Variants in RAB5A observed in about 807,000 individuals in gnomAD.
RAB5A encodes ras-related protein Rab-5A.
RAB5A carries 8 observed loss-of-function variants against 25.7 expected under a neutral mutation model. The observed-to-expected ratio is 0.31, with a 90% CI of 0.18 to 0.56. RAB5A has a LOEUF of 0.56. RAB5A is among the 20% of genes least tolerant of loss of function. The pLI is 0.91. For synonymous variants in RAB5A, 98 were observed against 89.8 expected, an observed-to-expected ratio of 1.09 and a Z score of -0.52; for missense variants, 192 against 259.7, an observed-to-expected ratio of 0.74 and a Z score of 1.79.
intron 2 of RAB5A, among the ~76,000 whole-genome samples, chr3:19,951,947 A>G (rs1696430947): frequency 6.6e-6 from 1 of 152,084 alleles, no homozygotes; most frequent in Non-Finnish European, 1.5e-5. Context: ...AAGAGTAGGC[A>G]CTGACAAGGG....
intron 2 of RAB5A, among the ~76,000 whole-genome samples, chr3:19,974,825 A>G (rs1053597411): frequency 3.3e-5 from 5 of 152,236 alleles, no homozygotes; most frequent in African/African-American, 1.2e-4. Context: ...AAAATGGAAC[A>G]GGACATGGTG....
intron 1 of RAB5A, among the ~76,000 whole-genome samples, chr3:19,948,818 C>G: frequency 6.6e-6 from 1 of 151,436 alleles, no homozygotes; most frequent in Non-Finnish European, 1.5e-5. Context: ...AGCATATTGT[C>G]CTTGATAAGT....
intron 2 of RAB5A, among the ~76,000 whole-genome samples, chr3:19,954,838 A>G (rs1239191219): frequency 6.6e-6 from 1 of 152,014 alleles, no homozygotes; most frequent in Admixed American, 6.6e-5. Context: ...AAAACAAAGA[A>G]TCCCTGTTGC....
chr3:19,957,882 C>T (rs1696527813), intron 2 of RAB5A, among the ~76,000 whole-genome samples: 1 of 151,804 alleles, frequency 6.6e-6, no homozygotes, highest in Admixed American at 6.6e-5. Context: ...TCAACAATAC[C>T]TTAATAAAGC....
Position 19,983,792 on chromosome 3 carries a change from A to T in RAB5A, c.617A>T (p.Gln206Leu). The T allele has an allele frequency of 6.2e-7, 1 of 1,610,978 alleles. No individual in the cohort carries two copies. The highest frequency in any genetic ancestry group is 8.5e-7 in the Non-Finnish European group (1 of 1,177,762). ...GGAGTAGACCTTACCGAACCCACAC[A>T]ACCAACCAGGAATCAGTGTTGTAGT... is the stretch of plus-strand genomic sequence containing the variant. ...GRGVDLTEPT[Q>L]PTRNQCCSN is the part of the protein sequence containing the mutation. The change falls in exon 6 of 6, where the codon CAA (glutamine) becomes CTA (leucine). Residue 206 changes from glutamine to leucine, a missense_variant. Physicochemically the swap from Gln to Leu is moderately radical, Grantham distance 113 (BLOSUM62 -2). Around this residue, in one of 3 missense-constraint regions of RAB5A, gnomAD observed 121 missense variants for 135.7 expected, o/e 0.89. Transcript: ENST00000273047.
At chr3:19,966,154 A>G (rs763082518) in intron 2 of RAB5A, among the ~76,000 whole-genome samples, 3 of 152,154 alleles carry the variant, frequency 2.0e-5, no homozygotes, top group South Asian at 2.1e-4. Context: ...CCAAAACTTT[A>G]TCTTCCCTAG....
intron 2 of RAB5A, among the ~76,000 whole-genome samples, chr3:19,959,758 C>T (rs985473084): frequency 6.6e-6 from 1 of 151,802 alleles, no homozygotes; most frequent in South Asian, 2.1e-4. Flanking sequence ...TCCCAAGTAG[C>T]TGGGACTACA....
At chr3:19,963,732 C>T (rs890581074) in intron 2 of RAB5A, among the ~76,000 whole-genome samples, 23 of 152,182 alleles carry the variant, frequency 1.5e-4, no homozygotes, top group African/African-American at 4.8e-4. Flanking sequence ...GCAGCCTCCA[C>T]CCCCTGGGCT....
chr3:19,968,937 C>T (rs1378393776), intron 2 of RAB5A, among the ~76,000 whole-genome samples: 3 of 151,500 alleles, frequency 2.0e-5, no homozygotes, highest in African/African-American at 7.3e-5. Flanking sequence ...ATTTTCTTGC[C>T]TTTGCTACAT....
At chr3:19,951,438 A>G (rs771918693) in intron 2 of RAB5A, among the ~76,000 whole-genome samples, 1 of 152,238 alleles carries the variant, frequency 6.6e-6, no homozygotes, top group Non-Finnish European at 1.5e-5. Flanking sequence ...TAAAAAAGGT[A>G]ACCTTAAATT....
chr3:19,966,102 G>A (rs1042983770), intron 2 of RAB5A, among the ~76,000 whole-genome samples: 4 of 152,100 alleles, frequency 2.6e-5, no homozygotes, highest in Admixed American at 2.6e-4. Flanking sequence ...TGAATATACA[G>A]TTGAGTGGTA....
chr3:19,968,579 C>A (rs1381155289), intron 2 of RAB5A, among the ~76,000 whole-genome samples: 1 of 152,174 alleles, frequency 6.6e-6, no homozygotes, highest in Non-Finnish European at 1.5e-5. Flanking sequence ...ATGCCTCAGC[C>A]TCCTGAGTAG....
intron 2 of RAB5A, among the ~76,000 whole-genome samples, chr3:19,959,850 C>T (rs1334574485): frequency 6.6e-6 from 1 of 152,068 alleles, no homozygotes; most frequent in African/African-American, 2.4e-5. Flanking sequence ...GGTCTTAAAA[C>T]TCCTGACCTC....
intron 2 of RAB5A, among the ~76,000 whole-genome samples, chr3:19,961,536 A>G (rs7627396): frequency 0.012 from 1,809 of 152,354 alleles, 22 homozygotes; most frequent in Middle Eastern, 0.027. Flanking sequence ...GAACAAAAGA[A>G]TATAAGACGA....
intron 2 of RAB5A, among the ~76,000 whole-genome samples, chr3:19,961,579 C>A (rs1379240724): frequency 6.6e-6 from 1 of 152,126 alleles, no homozygotes; most frequent in Non-Finnish European, 1.5e-5. Flanking sequence ...TAAATTATCA[C>A]CACCATTTTC....
Position 19,983,862 on chromosome 3 carries a change from C to A in RAB5A, c.*39C>A. On this transcript the variant is annotated 3_prime_UTR_variant, in exon 6 of 6. Transcript: ENST00000273047. Reference sequence around the variant, plus strand: ...ACTAGCTGGAATAGTCTTCTGCTTCCTAAATGTTAATAACAATGGAATTGG... The same window carrying A: ...ACTAGCTGGAATAGTCTTCTGCTTCATAAATGTTAATAACAATGGAATTGG... 1 of 1,348,004 alleles carries A rather than the reference C, an allele frequency of 7.4e-7. No individual in the cohort carries two copies. Among genetic ancestry groups the A allele is most frequent in the South Asian group, 1.2e-5 (1 of 80,934 alleles). The allele number at this position is 1,348,004 out of a possible 1,614,324, so 83.5% of individuals were successfully genotyped here.
intron 2 of RAB5A, among the ~76,000 whole-genome samples, chr3:19,956,448 C>A (rs1026751652): frequency 6.6e-6 from 1 of 151,882 alleles, no homozygotes; most frequent in Non-Finnish European, 1.5e-5. Context: ...GGCGAGACTC[C>A]GTCTCAAAAA....
chr3:19,978,575 A>C, intron 5 of RAB5A, 172 bp downstream of exon 5: 1 of 538,344 alleles, frequency 1.9e-6, no homozygotes. Flanking sequence ...TCCCTTCCAC[A>C]AAACAATATT....
chr3:19,961,173 C>A (rs1332343514), intron 2 of RAB5A, among the ~76,000 whole-genome samples: 5 of 152,156 alleles, frequency 3.3e-5, no homozygotes, highest in African/African-American at 4.8e-5. Flanking sequence ...GTGATACATT[C>A]CTAGAACTTA....
Sources: gnomAD v4.1 joint callset for allele counts (sites outside exome capture counted in the v4.1 genomes callset) on GRCh38, gnomAD v4.1.1 for gene constraint, gnomAD v4.1.1 regional missense constraint, MANE v1.5 for transcripts, NCBI Gene and HGNC (gene_info 2026-07-23, HGNC 2026-07-21) for gene names.